FGD2: variants seen among roughly 807,000 people sequenced by gnomAD.
The protein encoded by FGD2 is FYVE, RhoGEF and PH domain containing 2, also known as FYVE, RhoGEF and PH domain-containing protein 2.
Under a neutral mutation model 75.9 loss-of-function variants are expected in FGD2, and 52 were observed. The ratio of observed to expected loss-of-function variants is 0.69; its 90% CI spans 0.55 to 0.86. The LOEUF (loss-of-function observed/expected upper bound fraction) is 0.86, where lower values mean the gene tolerates loss of function less well. Among genes scored for constraint, FGD2 ranks in the 40% least tolerant of loss-of-function variants. The pLI is 0.00. For synonymous variants in FGD2, 347 were observed against 348.6 expected, an observed-to-expected ratio of 1.00 and a Z score of 0.05; for missense variants, 790 against 872.0, an observed-to-expected ratio of 0.91 and a Z score of 1.18.
intron 11 of FGD2, 44 bp from the exon 12 acceptor site, chr6:37,021,468 C>T (rs1355181224): frequency 6.5e-7 from 1 of 1,549,122 alleles, no homozygotes; most frequent in South Asian, 1.2e-5. Flanking sequence ...CAATCCCTCC[C>T]TTCCACACCT....
intron 9 of FGD2, among the ~76,000 whole-genome samples, chr6:37,018,192 A>C (rs1177433341): frequency 6.6e-6 from 1 of 152,172 alleles, no homozygotes; most frequent in East Asian, 1.9e-4. Context: ...AGAAACCAAA[A>C]CAGAGTCATA....
intron 4 of FGD2, among the ~76,000 whole-genome samples, chr6:37,012,348 T>C (rs1046983375): frequency 2.0e-5 from 3 of 152,230 alleles, no homozygotes; most frequent in African/African-American, 4.8e-5. Flanking sequence ...CAAAGAAGAA[T>C]GCTAGTAATT....
At chr6:37,020,484 G>A in intron 9 of FGD2, 57 bp from the exon 10 acceptor site, 6 of 1,515,182 alleles carry the variant, frequency 4.0e-6, no homozygotes, top group Admixed American at 1.9e-5. Context: ...CCACAGTGCT[G>A]TGCCTGGGAC....
chr6:37,020,429 C>A, intron 9 of FGD2, 112 bp from the exon 10 acceptor site: 1 of 1,031,436 alleles, frequency 9.7e-7, no homozygotes, highest in Non-Finnish European at 1.4e-6. Flanking sequence ...ATCCCTGTCT[C>A]TCGAATTTGA....
chr6:37,020,730 C>T lies in FGD2; in HGVS notation c.1224C>T (p.Ser408=), dbSNP rs1444170076. 2.5e-6 allele frequency: 4 copies of T among 1,569,046 alleles called. No individual in the cohort carries two copies. Among genetic ancestry groups the T allele is most frequent in the African/African-American group, 2.7e-5 (2 of 73,984 alleles). Residue 408 remains serine (S), a synonymous_variant, in exon 11 of 16, where the codon TCC becomes TCT. Transcript: ENST00000274963. ...LQARSQEEMI[S]WMQAFQAAID... ...GCAGGTCCCAGGAGGAAATGATTTC[C>T]TGGATGCAGGTATGGGAACGCTCCG...
intron 2 of FGD2, among the ~76,000 whole-genome samples, chr6:37,010,771 G>C (rs1764965040): frequency 6.6e-6 from 1 of 152,202 alleles, no homozygotes; most frequent in African/African-American, 2.4e-5. Flanking sequence ...TTAAGGCTAA[G>C]GCAGAGAACT....
rs142160745 is a variant in FGD2, at chr6:37,008,919, C to G, written c.154C>G (p.Arg52Gly). 1 of 1,614,166 alleles carries G rather than the reference C, an allele frequency of 6.2e-7. No homozygotes were observed. The highest frequency in any genetic ancestry group is 8.5e-7 in the Non-Finnish European group (1 of 1,180,028). Residue 52 changes from arginine (R) to glycine (G), a missense_variant, in exon 2 of 16, where the codon CGG (arginine) becomes GGG (glycine). Arg to Gly is a moderately radical substitution (Grantham distance 125). Transcript: ENST00000274963. The part of the protein sequence containing the change: ...ECRPPESPGP[R>G]EKTNVGEAVG... ...CAGGCCTCCCGAGTCCCCAGGACCA[C>G]GGGAGAAGACGAATGTCGGGGAGGC...
At chr6:37,010,225 A>G (rs1764942315) in intron 2 of FGD2, among the ~76,000 whole-genome samples, 1 of 152,080 alleles carries the variant, frequency 6.6e-6, no homozygotes, top group Non-Finnish European at 1.5e-5. Flanking sequence ...GCCAAGTTCA[A>G]GGTGCCAGCA....
At chr6:37,020,459 C>A in intron 9 of FGD2, 82 bp from the exon 10 acceptor site, 2 of 1,327,202 alleles carry the variant, frequency 1.5e-6, no homozygotes, top group Non-Finnish European at 2.1e-6. Context: ...TGGGCACAAT[C>A]CACCTCCCTC....
chr6:37,017,140 T>C (rs1005820603), intron 9 of FGD2, among the ~76,000 whole-genome samples: 1 of 152,084 alleles, frequency 6.6e-6, no homozygotes, highest in Non-Finnish European at 1.5e-5. Flanking sequence ...TGCTGGAGAC[T>C]GAGGTGTCCC....
intron 4 of FGD2, 168 bp downstream of exon 4, chr6:37,012,022 G>A: frequency 1.5e-6 from 1 of 678,928 alleles, no homozygotes; most frequent in Middle Eastern, 4.1e-4. Context: ...GGGTGAATGA[G>A]CTCTGAGAGG....
At chr6:37,007,910 G>A (rs1219611403) in intron 1 of FGD2, among the ~76,000 whole-genome samples, 2 of 152,124 alleles carry the variant, frequency 1.3e-5, no homozygotes, top group East Asian at 3.8e-4. Flanking sequence ...GTGTCACTTG[G>A]GGCAAGTCAC....
In FGD2 at chr6:37,022,191, A is replaced by G. The variant is rs781748912; in HGVS notation, c.1327-48A>G. The G allele has an allele frequency of 1.8e-5, 28 of 1,574,040 alleles. 1 individual carries two copies. The South Asian group carries it at 2.9e-4, about 16-fold the overall frequency. ...CCCAGGCCCTGGGAGGATGGGCGGA[A>G]GAAGGTCACCAAGGGCCCATTCCTG... On this transcript the variant is annotated intron_variant, in intron 12 of 15. Coordinates refer to ENST00000274963, the MANE Select transcript of FGD2 (RefSeq NM_173558.4).
At chr6:37,013,868 A>G (rs556760490) in intron 5 of FGD2, 94 bp from the exon 6 acceptor site, 656 of 1,583,822 alleles carry the variant, frequency 4.1e-4, no homozygotes, top group Non-Finnish European at 5.4e-4. Flanking sequence ...AGCTGCTTCC[A>G]TAGGCCCCTG....
In FGD2 at chr6:37,025,690, C is replaced by G. The variant is rs917572170; in HGVS notation, c.1459-102C>G. ...CCCTCGAAGCTTTCTTTTCCTCCCCCAGTCCCTGGTTGCTCTCATGCCCCC... is the reference window on the plus strand; with the variant it reads ...CCCTCGAAGCTTTCTTTTCCTCCCCGAGTCCCTGGTTGCTCTCATGCCCCC... On this transcript the variant is annotated intron_variant, in intron 13 of 15. Transcript: ENST00000274963. 4 of 1,242,516 alleles carry G rather than the reference C, an allele frequency of 3.2e-6. No homozygotes were observed. In the South Asian group the frequency reaches 3.8e-5, roughly 12 times the overall value. The allele number at this position is 1,242,516 out of a possible 1,614,324, so 77.0% of individuals were successfully genotyped here. A position where few individuals can be genotyped will look rare whatever the true frequency, so the allele number is the denominator to read the frequency against.
Position 37,020,888 on chromosome 6 carries a change from A to ATGTGTGTGTGTGTG in FGD2, c.1233+160_1233+173dup, listed in dbSNP as rs58421270. On this transcript the variant is annotated intron_variant, in intron 11 of 15. Coordinates refer to ENST00000274963, the MANE Select transcript of FGD2 (RefSeq NM_173558.4). ...AGGGGAGGGAGTGGTGTATGTATGCATGTGTGTGTGTGTGTGTGTGTGTGC... is the reference window on the plus strand; with the variant it reads ...AGGGGAGGGAGTGGTGTATGTATGCATGTGTGTGTGTGTGTGTGTGTGTGTGTGTGTGTGTGTGC... 1,133 of 697,512 alleles carry ATGTGTGTGTGTGTG rather than the reference A, an allele frequency of 1.6e-3. 7 individuals are homozygous for ATGTGTGTGTGTGTG. In the African/African-American group the frequency reaches 0.018, roughly 11 times the overall value. The allele number at this position is 697,512 out of a possible 1,614,324, so 43.2% of individuals were successfully genotyped here. A position where few individuals can be genotyped will look rare whatever the true frequency, so the allele number is the denominator to read the frequency against.
At chr6:37,010,674 A>C (rs565436252) in intron 2 of FGD2, among the ~76,000 whole-genome samples, 7 of 152,252 alleles carry the variant, frequency 4.6e-5, no homozygotes, top group Admixed American at 3.9e-4. Context: ...TGGCCTGTCC[A>C]TGAGGTCTCC....
intron 13 of FGD2, 133 bp from the exon 14 acceptor site, chr6:37,025,659 A>T: frequency 1.1e-6 from 1 of 889,992 alleles, no homozygotes; most frequent in Non-Finnish European, 1.8e-6. Flanking sequence ...CTCTGCCTCT[A>T]TTCCTCCCTC....
chr6:37,009,266 T>C, intron 2 of FGD2: 1 of 551,384 alleles, frequency 1.8e-6, no homozygotes, highest in Non-Finnish European at 3.2e-6. Flanking sequence ...CGTGCTGGAT[T>C]ACTTCGCGAG....
Sources: gnomAD v4.1 joint callset for allele counts (sites outside exome capture counted in the v4.1 genomes callset) on GRCh38, gnomAD v4.1.1 for gene constraint, MANE v1.5 for transcripts, NCBI Gene and HGNC (gene_info 2026-07-23, HGNC 2026-07-21) for gene names.